Variants in MYO7A observed in about 807,000 individuals in gnomAD.
The protein encoded by MYO7A is myosin VIIA.
MYO7A carries 210 observed loss-of-function variants against 263.8 expected under a neutral mutation model. The observed-to-expected ratio is 0.80, with a 90% CI of 0.71 to 0.89. MYO7A has a LOEUF of 0.89. MYO7A is among the 40% of genes least tolerant of loss of function. MYO7A has a pLI of 0.00. For missense variants in MYO7A, 2,820 were observed against 2,968.3 expected, an observed-to-expected ratio of 0.95 and a Z score of 1.16; for synonymous variants, 1,239 against 1,197.3, an observed-to-expected ratio of 1.03 and a Z score of -0.72.
intron 30 of MYO7A, chr11:77,191,170 A>C: frequency 1.2e-5 from 3 of 243,524 alleles, no homozygotes; most frequent in Non-Finnish European, 2.4e-5. Context: ...AAATACAAAA[A>C]TTAGTGGAGC....
At chr11:77,194,634 C>A (rs1358016557) in intron 32 of MYO7A, 110 bp downstream of exon 32, 23 of 1,174,418 alleles carry the variant, frequency 2.0e-5, no homozygotes, top group East Asian at 2.6e-5. Context: ...TGGGATGGCA[C>A]CTTCCAGTGG....
intron 15 of MYO7A, among the ~76,000 whole-genome samples, chr11:77,172,515 C>T (rs1244776005): frequency 6.6e-6 from 1 of 152,154 alleles, no homozygotes; most frequent in African/African-American, 2.4e-5. Context: ...ACTTCCCCCT[C>T]GCCCAGAGGT....
At chr11:77,149,703 G>A (rs1555056133) in intron 4 of MYO7A, among the ~76,000 whole-genome samples, 2 of 152,170 alleles carry the variant, frequency 1.3e-5, no homozygotes, top group Non-Finnish European at 2.9e-5. Flanking sequence ...AGGAGAGGCT[G>A]TGTATGGCTC....
chr11:77,136,658 G>C (rs1320706045), intron 2 of MYO7A, among the ~76,000 whole-genome samples: 1 of 152,220 alleles, frequency 6.6e-6, no homozygotes, highest in Non-Finnish European at 1.5e-5. Context: ...CACCAATCTA[G>C]GTGCATTACG....
chr11:77,194,645 C>T lies in MYO7A; in HGVS notation c.4323+121C>T, dbSNP rs1046564038. 5 of 1,068,344 alleles carry T rather than the reference C, an allele frequency of 4.7e-6. No homozygotes were observed. In the African/African-American group the frequency reaches 6.4e-5, roughly 14 times the overall value. 66.2% of individuals were successfully genotyped at this position (1,068,344 alleles called of 1,614,324 possible). On this transcript the variant is annotated intron_variant, in intron 32 of 48. Transcript: ENST00000409709. ...GGGATGGGATGGCACCTTCCAGTGG[C>T]CCTTCCTTCATTGGACATCAGCTCA...
intron 30 of MYO7A, 21 bp from the exon 31 acceptor site, chr11:77,192,030 C>T: frequency 6.2e-7 from 1 of 1,601,722 alleles, no homozygotes; most frequent in Non-Finnish European, 8.5e-7. Flanking sequence ...GTGCCTGCTC[C>T]CCTCCCCTCT....
chr11:77,182,617 C>G lies in MYO7A; in HGVS notation c.3285+17C>G. 1 of 1,612,474 alleles carries G rather than the reference C, an allele frequency of 6.2e-7. No individual in the cohort carries two copies. Among genetic ancestry groups the G allele is most frequent in the Non-Finnish European group, 8.5e-7 (1 of 1,179,726 alleles). ...GAGGGCGAGGTGAGGCCAAGGTGCC[C>G]TCTGGATGATGTCCCTCCCAGGCCG... On this transcript the variant is annotated intron_variant, in intron 25 of 48. Coordinates refer to ENST00000409709, the MANE Select transcript of MYO7A (RefSeq NM_000260.4).
At chr11:77,205,241 G>T (rs142223161) in intron 39 of MYO7A, among the ~76,000 whole-genome samples, 1 of 152,164 alleles carries the variant, frequency 6.6e-6, no homozygotes, top group Non-Finnish European at 1.5e-5. Context: ...GGCCTGGCGC[G>T]GTGGGCCAGG....
intron 2 of MYO7A, among the ~76,000 whole-genome samples, chr11:77,131,056 G>A (rs1232688657): frequency 6.6e-6 from 1 of 152,160 alleles, no homozygotes; most frequent in African/African-American, 2.4e-5. Flanking sequence ...GAGGGCGGGG[G>A]GTGACAAGGC....
In MYO7A at chr11:77,148,045, C is replaced by G. The variant is rs1186174126; in HGVS notation, c.285+95C>G. 5.2e-6 allele frequency: 6 copies of G among 1,146,890 alleles called. No homozygotes were observed. In the African/African-American group the frequency reaches 9.8e-5, roughly 19 times the overall value. The allele number at this position is 1,146,890 out of a possible 1,614,324, so 71.0% of individuals were successfully genotyped here. A position where few individuals can be genotyped will look rare whatever the true frequency, so the allele number is the denominator to read the frequency against. On this transcript the variant is annotated intron_variant, in intron 4 of 48. Transcript: ENST00000409709. ...CGCCCGACTTGCCTCCGGCCCCGCC[C>G]TGCCGGGGCCCTGCCTCCTGAGACT...
At position 77,215,014 on chromosome 11, in the gene MYO7A, C is replaced by G. The variant is rs1958058359; in HGVS notation, c.*318C>G. ...TCAGACCAGCCCCACCATGCAACTT[C>G]CTTTGACTTTCTGTGTACCACTGGG... On this transcript the variant is annotated 3_prime_UTR_variant, in exon 49 of 49. Transcript: ENST00000409709. 1 of 330,310 alleles carries G rather than the reference C, an allele frequency of 3.0e-6. No individual in the cohort carries two copies. The highest frequency in any genetic ancestry group is 5.6e-6 in the Non-Finnish European group (1 of 177,706). 20.5% of individuals were successfully genotyped at this position (330,310 alleles called of 1,614,324 possible).
intron 14 of MYO7A, among the ~76,000 whole-genome samples, chr11:77,164,647 TTTCA>T (rs1470044711): frequency 6.6e-6 from 1 of 152,224 alleles, no homozygotes; most frequent in Non-Finnish European, 1.5e-5. Flanking sequence ...CAAATTGGTC[TTTCA>T]TTTGGAGTAA....
Position 77,181,302 on chromosome 11 carries a change from C to A in MYO7A, c.2695-78C>A, listed in dbSNP as rs1033602970. 5.9e-6 allele frequency: 8 copies of A among 1,357,396 alleles called. No individual in the cohort carries two copies. In the African/African-American group the frequency reaches 1.2e-4, roughly 20 times the overall value. 84.1% of individuals were successfully genotyped at this position (1,357,396 alleles called of 1,614,324 possible). ...TGAGGCCCTGGCTGCTGCAGGGGCTCCCCAGGGAGAGCTTGTTCCCTGAGG... is the reference window on the plus strand; with the variant it reads ...TGAGGCCCTGGCTGCTGCAGGGGCTACCCAGGGAGAGCTTGTTCCCTGAGG... On this transcript the variant is annotated intron_variant, in intron 22 of 48. Transcript: ENST00000409709.
rs533651765 is a variant in MYO7A, at chr11:77,188,199, C to T, written c.3504-1145C>T. Among the ~76,000 whole-genome samples, 20 of 152,328 alleles carry T rather than the reference C, an allele frequency of 1.3e-4. 2 individuals carry two copies. The South Asian group carries it at 3.7e-3, about 28-fold the overall frequency. ...TCCCCATCTGTAAAGTGAGTGGAGA[C>T]TCCCAGCTGCAGGTGATAATATCTC... On this transcript the variant is annotated intron_variant, in intron 27 of 48. Coordinates refer to ENST00000409709, the MANE Select transcript of MYO7A (RefSeq NM_000260.4).
intron 25 of MYO7A, 138 bp downstream of exon 25, chr11:77,182,738 T>A (rs1037122530): frequency 1.1e-6 from 1 of 936,758 alleles, no homozygotes. Context: ...CCTGCCACCC[T>A]CCTTTGTCTA....
chr11:77,134,152 A>G (rs1163307456), intron 2 of MYO7A, among the ~76,000 whole-genome samples: 1 of 152,196 alleles, frequency 6.6e-6, no homozygotes, highest in East Asian at 1.9e-4. Flanking sequence ...GCTGGTCTCA[A>G]ACTCCTGACC....
intron 15 of MYO7A, among the ~76,000 whole-genome samples, chr11:77,171,394 C>A (rs1191100545): frequency 1.3e-5 from 2 of 152,196 alleles, no homozygotes; most frequent in Non-Finnish European, 2.9e-5. Flanking sequence ...ACGCCAGGGG[C>A]CACAGATCTG....
At chr11:77,154,339 T>C (rs1474570192) in intron 4 of MYO7A, among the ~76,000 whole-genome samples, 1 of 152,080 alleles carries the variant, frequency 6.6e-6, no homozygotes, top group Non-Finnish European at 1.5e-5. Context: ...GGCTGAACTA[T>C]AGGGGATGAT....
Position 77,204,249 on chromosome 11 carries a change from C to T in MYO7A, c.5480+20C>T, listed in dbSNP as rs115869997. ...CATCAGGTGAGCCAGGCACAGTGGG[C>T]GGATGAGGGGCAGACCTCACCTGCT... is the stretch of plus-strand genomic sequence containing the variant. On this transcript the variant is annotated intron_variant, in intron 39 of 48. Coordinates refer to ENST00000409709, the MANE Select transcript of MYO7A (RefSeq NM_000260.4). 5.0e-4 allele frequency: 776 copies of T among 1,559,598 alleles called. 7 individuals carry two copies. The African/African-American group carries it at 9.1e-3, about 18-fold the overall frequency.
Sources: allele counts gnomAD v4.1 joint callset (sites outside exome capture counted in the v4.1 genomes callset), GRCh38; gene constraint gnomAD v4.1.1; transcripts MANE v1.5; gene names NCBI Gene and HGNC (gene_info 2026-07-23, HGNC 2026-07-21).